DPP10: variants seen among roughly 807,000 people sequenced by gnomAD.
The protein encoded by DPP10 is dipeptidyl peptidase like 10, also known as inactive dipeptidyl peptidase 10.
In DPP10, 33 loss-of-function variants were observed where a neutral mutation model predicts 120.9. The observed-to-expected ratio is 0.27, with a 90% CI of 0.21 to 0.37. The LOEUF is 0.37. Among genes scored for constraint, DPP10 ranks in the 10% least tolerant of loss-of-function variants. DPP10 has a pLI of 1.00. For synonymous variants in DPP10, 337 were observed against 326.1 expected (o/e 1.03, Z -0.36); for missense variants, 816 against 942.8 (o/e 0.87, Z 1.76).
At chr2:114,500,781 T>C (rs1440034446) in intron 1 of DPP10, among the ~76,000 whole-genome samples, 1 of 152,206 alleles carries the variant, frequency 6.6e-6, no homozygotes, top group Non-Finnish European at 1.5e-5. Context: ...AACACTGTTG[T>C]CTTTGGAATA....
In DPP10 at chr2:114,683,691, C is replaced by T. The variant is rs147745769; in HGVS notation, c.60+240853C>T. Among the ~76,000 whole-genome samples, 708 of 151,798 alleles carry T rather than the reference C, an allele frequency of 4.7e-3. 4 individuals carry two copies. Among genetic ancestry groups the T allele is most frequent in the African/African-American group, 0.017 (690 of 41,438 alleles). On this transcript the variant is annotated intron_variant, in intron 1 of 25. Transcript: ENST00000410059. ...AGTGAATATGAGAGAAGGTTTTCTT[C>T]GTATCTGATTGACTAACTCCCTTCT...
At chr2:114,714,762 GT>G (rs905758283) in intron 1 of DPP10, among the ~76,000 whole-genome samples, 20 of 151,550 alleles carry the variant, frequency 1.3e-4, no homozygotes, top group Admixed American at 7.9e-4. Context: ...GTCTATGATT[GT>G]TTTTTTTGTT....
chr2:115,005,067 C>T (rs1701719355), intron 1 of DPP10, among the ~76,000 whole-genome samples: 1 of 151,686 alleles, frequency 6.6e-6, no homozygotes, highest in African/African-American at 2.4e-5. Context: ...ACCCCTGACC[C>T]CCGAGAAGCC....
At chr2:115,604,545 T>C (rs2083571152) in intron 5 of DPP10, among the ~76,000 whole-genome samples, 1 of 152,170 alleles carries the variant, frequency 6.6e-6, no homozygotes, top group African/African-American at 2.4e-5. Context: ...GTCAGGGTAA[T>C]TGCTATCATG....
chr2:114,674,788 C>T (rs1386671212), intron 1 of DPP10, among the ~76,000 whole-genome samples: 2 of 152,176 alleles, frequency 1.3e-5, no homozygotes, highest in Non-Finnish European at 2.9e-5. Flanking sequence ...AGTACTGCAT[C>T]AGACCACATG....
chr2:115,726,607 C>G (rs901465235), intron 7 of DPP10, among the ~76,000 whole-genome samples: 1 of 152,074 alleles, frequency 6.6e-6, no homozygotes, highest in Non-Finnish European at 1.5e-5. Flanking sequence ...AATTCTTACT[C>G]TGATATTGAG....
At chr2:115,271,450 C>T (rs1326716012) in intron 1 of DPP10, among the ~76,000 whole-genome samples, 1 of 152,116 alleles carries the variant, frequency 6.6e-6, no homozygotes, top group East Asian at 1.9e-4. Flanking sequence ...CTTTGCTCAG[C>T]AGGTTGTTGC....
chr2:115,375,507 T>G (rs2106425370), intron 3 of DPP10, among the ~76,000 whole-genome samples: 1 of 152,302 alleles, frequency 6.6e-6, no homozygotes, highest in Non-Finnish European at 1.5e-5. Context: ...CCCCTCCAAA[T>G]TGCTCCAGCT....
At chr2:114,599,591 A>G (rs1313533221) in intron 1 of DPP10, among the ~76,000 whole-genome samples, 2 of 151,606 alleles carry the variant, frequency 1.3e-5, no homozygotes, top group East Asian at 3.9e-4. Flanking sequence ...AAATATACTA[A>G]GTATACCATA....
intron 1 of DPP10, among the ~76,000 whole-genome samples, chr2:114,994,102 T>C (rs575253006): frequency 1.3e-5 from 2 of 152,310 alleles, no homozygotes; most frequent in South Asian, 4.1e-4. Flanking sequence ...CAATTCTGTA[T>C]GTATTCTGGG....
chr2:114,757,605 T>G (rs1042016493), intron 1 of DPP10, among the ~76,000 whole-genome samples: 6 of 152,146 alleles, frequency 3.9e-5, no homozygotes, highest in African/African-American at 1.4e-4. Flanking sequence ...CATTTTTAAC[T>G]TACCATTTGA....
intron 1 of DPP10, among the ~76,000 whole-genome samples, chr2:115,296,343 C>T (rs34787934): frequency 0.036 from 5,545 of 152,196 alleles, 218 homozygotes; most frequent in East Asian, 0.2. Flanking sequence ...TGCAGTGCCA[C>T]TTGTTCTTTT....
At chr2:114,676,286 C>A (rs1161476597) in intron 1 of DPP10, among the ~76,000 whole-genome samples, 1 of 152,124 alleles carries the variant, frequency 6.6e-6, no homozygotes, top group Admixed American at 6.5e-5. Flanking sequence ...ACTAGCAATT[C>A]TCAATTATTT....
chr2:114,754,748 T>G (rs1679574813), intron 1 of DPP10, among the ~76,000 whole-genome samples: 1 of 152,196 alleles, frequency 6.6e-6, no homozygotes, highest in African/African-American at 2.4e-5. Context: ...TTCTAAGCAT[T>G]GATTTTTCTC....
chr2:114,717,311 T>C (rs566535717), intron 1 of DPP10, among the ~76,000 whole-genome samples: 4 of 152,322 alleles, frequency 2.6e-5, no homozygotes, highest in East Asian at 1.9e-4. Flanking sequence ...GATTGATCTA[T>C]GTGTCACAAA....
chr2:114,591,554 ATTT>A (rs70937292), intron 1 of DPP10, among the ~76,000 whole-genome samples: 19 of 124,544 alleles, frequency 1.5e-4, no homozygotes, highest in African/African-American at 4.4e-4. Flanking sequence ...ACCTCTTCCT[ATTT>A]TTTTTTTTTT....
intron 1 of DPP10, among the ~76,000 whole-genome samples, chr2:115,198,026 T>C (rs533605929): frequency 1.3e-5 from 2 of 152,320 alleles, no homozygotes; most frequent in African/African-American, 4.8e-5. Flanking sequence ...GATTTTCTAA[T>C]TGACTTAGAG....
chr2:114,717,761 A>C (rs1338609900), intron 1 of DPP10, among the ~76,000 whole-genome samples: 1 of 152,204 alleles, frequency 6.6e-6, no homozygotes, highest in Non-Finnish European at 1.5e-5. Context: ...AGTTTTACAT[A>C]AAATAGTAAT....
At chr2:114,456,479 T>C (rs898292164) in intron 1 of DPP10, among the ~76,000 whole-genome samples, 5 of 152,170 alleles carry the variant, frequency 3.3e-5, no homozygotes, top group African/African-American at 1.2e-4. Context: ...GTCAGAAATA[T>C]ATATGGGATT....
Sources: allele counts gnomAD v4.1 joint callset (sites outside exome capture counted in the v4.1 genomes callset), GRCh38; gene constraint gnomAD v4.1.1; transcripts MANE v1.5; gene names NCBI Gene and HGNC (gene_info 2026-07-23, HGNC 2026-07-21).